The following KIF6 variants were observed in gnomAD, a reference collection of about 807,000 sequenced individuals.
The protein encoded by KIF6 is kinesin-like protein KIF6.
A neutral mutation model predicts 112.7 loss-of-function variants in KIF6; 106 were observed. The ratio of observed to expected loss-of-function variants is 0.94; its 90% CI spans 0.80 to 1.11. KIF6 has a LOEUF of 1.11. KIF6 is among the 50% of genes least tolerant of loss of function. KIF6 has a pLI of 0.00. For missense variants in KIF6, 929 were observed against 964.0 expected, an observed-to-expected ratio of 0.96 and a Z score of 0.48; for synonymous variants, 339 against 339.9, an observed-to-expected ratio of 1.00 and a Z score of 0.03.
Position 39,342,845 on chromosome 6 carries a change from C to T in KIF6, c.2428+864G>A, listed in dbSNP as rs1763417985. The T allele has an allele frequency of 1.0e-6, 1 of 985,384 alleles. No homozygotes were observed. The allele number at this position is 985,384 out of a possible 1,614,324, so 61.0% of individuals were successfully genotyped here. The stretch of plus-strand genomic sequence containing the variant: ...CCATCCATGCACAAACCTCTTCCTG[C>T]CCAAACTGCACACGGCTGGTGGAGA... On this transcript the variant is annotated intron_variant, in intron 22 of 22. Transcript: ENST00000287152. The surrounding 1 kb of genome is among the most constrained non-coding windows in gnomAD (Gnocchi z 4.7).
intron 15 of KIF6, among the ~76,000 whole-genome samples, chr6:39,387,340 C>A (rs1767511739): frequency 1.3e-5 from 2 of 152,210 alleles, no homozygotes; most frequent in Non-Finnish European, 2.9e-5. Context: ...TCTACTTCGA[C>A]TTGCCCTTTA....
chr6:39,419,827 G>A (rs1388657517), intron 15 of KIF6, 121 bp downstream of exon 15: 1 of 850,994 alleles, frequency 1.2e-6, no homozygotes, highest in East Asian at 2.4e-5. Flanking sequence ...CAGCTTCCTT[G>A]GCAGGGGCTC....
At chr6:39,490,194 C>T (rs186465948) in intron 13 of KIF6, among the ~76,000 whole-genome samples, 4 of 152,296 alleles carry the variant, frequency 2.6e-5, no homozygotes, top group Admixed American at 1.3e-4. Flanking sequence ...TCTCTAACAT[C>T]AGTACCTTCT....
At chr6:39,468,063 C>T (rs954807907) in intron 13 of KIF6, among the ~76,000 whole-genome samples, 4 of 151,672 alleles carry the variant, frequency 2.6e-5, no homozygotes, top group African/African-American at 9.7e-5. Flanking sequence ...TTGAAAAGTG[C>T]AATAACCAAA....
chr6:39,563,372 G>A (rs1056965029), intron 10 of KIF6, among the ~76,000 whole-genome samples: 2 of 151,994 alleles, frequency 1.3e-5, no homozygotes, highest in African/African-American at 4.8e-5. Context: ...TATCATCTAT[G>A]TACATAGCAT....
At chr6:39,709,564 G>A (rs550468960) in intron 3 of KIF6, among the ~76,000 whole-genome samples, 1 of 152,262 alleles carries the variant, frequency 6.6e-6, no homozygotes, top group South Asian at 2.1e-4. Context: ...GGGGCTTTGG[G>A]GACCCCTGCT....
intron 3 of KIF6, among the ~76,000 whole-genome samples, chr6:39,692,056 AT>A (rs1788243344): frequency 2.0e-5 from 3 of 152,158 alleles, no homozygotes; most frequent in Admixed American, 2.0e-4. Flanking sequence ...AAAAACATAG[AT>A]TTCTTCACCT....
At chr6:39,477,349 G>T (rs1302553202) in intron 13 of KIF6, among the ~76,000 whole-genome samples, 1 of 152,176 alleles carries the variant, frequency 6.6e-6, no homozygotes, top group East Asian at 1.9e-4. Context: ...GATGTAGTGA[G>T]CCTATGTGTG....
intron 13 of KIF6, among the ~76,000 whole-genome samples, chr6:39,538,384 AC>A: frequency 6.6e-6 from 1 of 151,632 alleles, no homozygotes; most frequent in East Asian, 1.9e-4. Flanking sequence ...AAAACAAACA[AC>A]CCCATCAGAA....
At chr6:39,564,823 T>C (rs1780196173) in intron 10 of KIF6, among the ~76,000 whole-genome samples, 1 of 152,214 alleles carries the variant, frequency 6.6e-6, no homozygotes. Context: ...TTAAAAGAAG[T>C]AGAATTTATT....
At chr6:39,660,265 A>T (rs1786056175) in intron 3 of KIF6, among the ~76,000 whole-genome samples, 1 of 152,182 alleles carries the variant, frequency 6.6e-6, no homozygotes, top group Non-Finnish European at 1.5e-5. Flanking sequence ...CTTTTTCCAC[A>T]GCAATGTTCT....
At chr6:39,513,314 G>A (rs1033682391) in intron 13 of KIF6, among the ~76,000 whole-genome samples, 2 of 152,100 alleles carry the variant, frequency 1.3e-5, no homozygotes, top group African/African-American at 4.8e-5. Context: ...GCCTAAGCCT[G>A]CCTAAGTCAT....
chr6:39,547,101 C>T (rs1460782898), intron 10 of KIF6, among the ~76,000 whole-genome samples: 2 of 152,192 alleles, frequency 1.3e-5, no homozygotes, highest in East Asian at 3.8e-4. Flanking sequence ...ACAGCAGCAG[C>T]ATATCTTTCT....
At chr6:39,608,536 A>T (rs1561859754) in intron 6 of KIF6, among the ~76,000 whole-genome samples, 1 of 152,212 alleles carries the variant, frequency 6.6e-6, no homozygotes, top group Non-Finnish European at 1.5e-5. Context: ...GCACCATTTA[A>T]AGCTGAAAAA....
At chr6:39,449,082 G>GTCTCTTTT (rs1178306779) in intron 13 of KIF6, among the ~76,000 whole-genome samples, 1 of 152,164 alleles carries the variant, frequency 6.6e-6, no homozygotes, top group African/African-American at 2.4e-5. Context: ...GCTTCTCTTT[G>GTCTCTTTT]TCTCTTTTTT....
intron 13 of KIF6, among the ~76,000 whole-genome samples, chr6:39,482,129 A>G (rs931287476): frequency 3.3e-5 from 5 of 152,150 alleles, no homozygotes; most frequent in Non-Finnish European, 7.4e-5. Context: ...TCCAGGTCAC[A>G]GCTATAAGGA....
rs1161268811 is a variant in KIF6, at chr6:39,448,357, T to C, written c.1646-17196A>G. ...ACCCGGCTGATTTTTGTAGTTTTCA[T>C]AGAGACAGGGTTTCACGATGTTGGC... On this transcript the variant is annotated intron_variant, in intron 13 of 22. Coordinates refer to ENST00000287152, the MANE Select transcript of KIF6 (RefSeq NM_145027.6). 2.0e-5 allele frequency among the ~76,000 whole-genome samples: 3 copies of C among 151,996 alleles called. No homozygotes were observed. In the East Asian group the frequency reaches 5.8e-4, roughly 29 times the overall value.
chr6:39,485,393 C>T (rs1775052670), intron 13 of KIF6, among the ~76,000 whole-genome samples: 1 of 152,100 alleles, frequency 6.6e-6, no homozygotes, highest in Non-Finnish European at 1.5e-5. Context: ...CCTTATTATG[C>T]TTGGCTTTTC....
At chr6:39,512,712 G>T (rs144161241) in intron 13 of KIF6, among the ~76,000 whole-genome samples, 4 of 152,230 alleles carry the variant, frequency 2.6e-5, no homozygotes, top group African/African-American at 9.6e-5. Context: ...CCTTGGCTGC[G>T]TCCCTGACAT....
Sources: gnomAD v4.1 joint callset for allele counts (sites outside exome capture counted in the v4.1 genomes callset) on GRCh38, gnomAD v4.1.1 for gene constraint, Gnocchi (gnomAD v3.1) non-coding constraint, MANE v1.5 for transcripts, NCBI Gene and HGNC (gene_info 2026-07-23, HGNC 2026-07-21) for gene names.